The following KATNAL2 variants were observed in gnomAD, a reference collection of about 807,000 sequenced individuals.
The protein encoded by KATNAL2 is katanin catalytic subunit A1 like 2, also known as katanin p60 ATPase-containing subunit A-like 2.
KATNAL2 carries 52 observed loss-of-function variants against 76.3 expected under a neutral mutation model. The observed-to-expected ratio is 0.68, with a 90% CI of 0.55 to 0.86. The LOEUF is 0.86. Among genes scored for constraint, KATNAL2 ranks in the 40% least tolerant of loss-of-function variants. The pLI, the probability that KATNAL2 is intolerant of heterozygous loss-of-function variation, is 0.00. For synonymous variants in KATNAL2, 243 were observed against 244.2 expected (o/e 1.00, Z 0.05); for missense variants, 660 against 668.9 (o/e 0.99, Z 0.15).
intron 3 of KATNAL2, chr18:47,033,904 ACCGTTTTCGGC>A (rs1311094345): frequency 6.2e-7 from 1 of 1,613,082 alleles, no homozygotes; most frequent in Non-Finnish European, 8.5e-7. Context: ...ATGGCTGGGC[ACCGTTTTCGGC>A]CCGGCGGAAT....
chr18:47,064,226 C>T (rs965063273), intron 10 of KATNAL2, among the ~76,000 whole-genome samples: 7 of 147,806 alleles, frequency 4.7e-5, no homozygotes, highest in African/African-American at 1.8e-4. Context: ...GGACAAAGTG[C>T]ACTTTAAGAG....
At chr18:47,053,173 T>A in intron 5 of KATNAL2, 127 bp downstream of exon 5, 1 of 744,150 alleles carries the variant, frequency 1.3e-6, no homozygotes, top group Non-Finnish European at 2.1e-6. Flanking sequence ...GAGGATTGTG[T>A]AGCCATTCTC....
rs1308492435 is a variant in KATNAL2 at position 47,032,959 on chromosome 18, T to C, written c.52-13498T>C. On this transcript the variant is annotated intron_variant, in intron 3 of 17. Transcript: ENST00000683218. Reference sequence around the variant, plus strand: ...CCCCAACCCGCATTGACTTTGCCAATGCAAAAATCCCCCCAGATTTTATCT... The same window carrying C: ...CCCCAACCCGCATTGACTTTGCCAACGCAAAAATCCCCCCAGATTTTATCT... 7 of 1,613,282 alleles carry C rather than the reference T, an allele frequency of 4.3e-6. No individual in the cohort carries two copies. The East Asian group carries it at 6.7e-5, about 15-fold the overall frequency.
intron 12 of KATNAL2, 44 bp from the exon 13 acceptor site, chr18:47,069,438 A>T (rs2289036): frequency 0.58 from 839,470 of 1,458,682 alleles, 243,568 homozygotes; most frequent in Non-Finnish European, 0.59. Flanking sequence ...AAGCAGGGGG[A>T]TGGAGTTGAA....
At chr18:46,951,992 C>T (rs1045217375) in intron 3 of KATNAL2, among the ~76,000 whole-genome samples, 1 of 152,082 alleles carries the variant, frequency 6.6e-6, no homozygotes, top group Non-Finnish European at 1.5e-5. Context: ...AGGCTGGTCT[C>T]AACCTCCTGG....
At chr18:46,943,035 C>T (rs1290126896) in intron 1 of KATNAL2, among the ~76,000 whole-genome samples, 1 of 152,028 alleles carries the variant, frequency 6.6e-6, no homozygotes, top group African/African-American at 2.4e-5. Flanking sequence ...TGGAGTAGTA[C>T]TCTGATTACT....
At chr18:47,094,957 C>T (rs2063166010) in intron 15 of KATNAL2, among the ~76,000 whole-genome samples, 2 of 152,218 alleles carry the variant, frequency 1.3e-5, no homozygotes, top group East Asian at 3.9e-4. Flanking sequence ...ATTTTCAACC[C>T]AGCCTCACCC....
At chr18:47,084,891 C>T (rs2062705011) in intron 15 of KATNAL2, among the ~76,000 whole-genome samples, 1 of 132,856 alleles carries the variant, frequency 7.5e-6, no homozygotes, top group Non-Finnish European at 1.6e-5. Context: ...CCTCTGGACT[C>T]TTGTACTCAC....
At chr18:47,056,272 T>C (rs2061469065) in intron 6 of KATNAL2, among the ~76,000 whole-genome samples, 1 of 152,234 alleles carries the variant, frequency 6.6e-6, no homozygotes, top group African/African-American at 2.4e-5. Flanking sequence ...ATCAGAGACC[T>C]GGAAATCTCA....
chr18:46,921,967 T>A (rs1472350630), intron 1 of KATNAL2, among the ~76,000 whole-genome samples: 1 of 152,156 alleles, frequency 6.6e-6, no homozygotes, highest in Non-Finnish European at 1.5e-5. Flanking sequence ...CTTTACTTCT[T>A]TTGCTAAGCA....
chr18:46,919,007 ATG>A (rs112427539), intron 1 of KATNAL2, among the ~76,000 whole-genome samples: 2,396 of 142,914 alleles, frequency 0.017, 35 homozygotes, highest in African/African-American at 0.04. Context: ...ATATATATAT[ATG>A]TGTGTGTGTG....
chr18:46,941,076 C>T (rs939133549), intron 1 of KATNAL2, among the ~76,000 whole-genome samples: 3 of 152,160 alleles, frequency 2.0e-5, no homozygotes, highest in Admixed American at 2.0e-4. Context: ...AGAATCCCAG[C>T]GTTTTGGGAT....
chr18:47,036,655 T>C (rs2146982054), intron 3 of KATNAL2, among the ~76,000 whole-genome samples: 1 of 152,364 alleles, frequency 6.6e-6, no homozygotes, highest in Non-Finnish European at 1.5e-5. Flanking sequence ...ACAGATTTGG[T>C]ATCTGGATCG....
chr18:47,069,226 C>G lies in KATNAL2; in HGVS notation c.832C>G (p.Gln278Glu). The change falls in exon 12 of 18, where the codon CAG (glutamine) becomes GAG (glutamate). Residue 278 changes from glutamine (Q) to glutamate (E), a missense_variant. Gln to Glu is a conservative substitution (Grantham distance 29). Coordinates refer to ENST00000683218, the MANE Select transcript of KATNAL2 (RefSeq NM_001387690.1). ...TTGTTCCTTGTTTCCTTAGTATCCA[C>G]AGCTATTTACAGGAATTCTTTCTCC... ...EAVVYPIRYP[Q>E]LFTGILSPWK... 1 of 1,610,446 alleles carries G rather than the reference C, an allele frequency of 6.2e-7. No homozygotes were observed. The highest frequency in any genetic ancestry group is 8.5e-7 in the Non-Finnish European group (1 of 1,177,698).
intron 5 of KATNAL2, 131 bp downstream of exon 5, chr18:47,053,177 C>T: frequency 1.4e-6 from 1 of 707,868 alleles, no homozygotes; most frequent in Non-Finnish European, 2.3e-6. Flanking sequence ...ATTGTGTAGC[C>T]ATTCTCATAT....
At chr18:46,931,996 C>A (rs374325581) in intron 1 of KATNAL2, among the ~76,000 whole-genome samples, 1 of 151,504 alleles carries the variant, frequency 6.6e-6, no homozygotes, top group Non-Finnish European at 1.5e-5. Flanking sequence ...CTGTAACCTC[C>A]GACTCCTGGG....
chr18:47,031,358 T>C (rs2060421449), intron 3 of KATNAL2, among the ~76,000 whole-genome samples: 1 of 152,134 alleles, frequency 6.6e-6, no homozygotes, highest in South Asian at 2.1e-4. Context: ...TTGTTTCTGC[T>C]GTCGTTGGCA....
chr18:47,099,268 C>G lies in KATNAL2; in HGVS notation c.1237C>G (p.Arg413Gly). ...GGAGCTGGACTGTGCCATGTTACGC[C>G]GCCTGGAGAAGAGGATTCTGGTCGA... ...PWELDCAMLR[R>G]LEKRILVDLP... The change falls in exon 16 of 18, where the codon CGC (arginine) becomes GGC (glycine). Residue 413 changes from arginine to glycine, a missense_variant. By Grantham distance (125) the Arg-to-Gly change is moderately radical. Transcript: ENST00000683218. 1 of 1,613,800 alleles carries G rather than the reference C, an allele frequency of 6.2e-7. No homozygotes were observed. Among genetic ancestry groups the G allele is most frequent in the Non-Finnish European group, 8.5e-7 (1 of 1,179,802 alleles).
intron 3 of KATNAL2, among the ~76,000 whole-genome samples, chr18:46,957,553 C>CAGA: frequency 1.7e-5 from 1 of 60,528 alleles, no homozygotes; most frequent in South Asian, 7.5e-4. Flanking sequence ...CGCGCCTGGC[C>CAGA]TTTTTTTTTT....
Sources: allele counts gnomAD v4.1 joint callset (sites outside exome capture counted in the v4.1 genomes callset), GRCh38; gene constraint gnomAD v4.1.1; transcripts MANE v1.5; gene names NCBI Gene and HGNC (gene_info 2026-07-23, HGNC 2026-07-21).